KCNMB2: variants seen among roughly 807,000 people sequenced by gnomAD.
KCNMB2 encodes potassium calcium-activated channel subfamily M regulatory beta subunit 2.
A neutral mutation model predicts 24.5 loss-of-function variants in KCNMB2; 9 were observed. The observed-to-expected ratio is 0.37, with a 90% CI of 0.22 to 0.64. The LOEUF (loss-of-function observed/expected upper bound fraction) is 0.64, where lower values mean the gene tolerates loss of function less well. KCNMB2 is among the 30% of genes least tolerant of loss of function. The probability of loss-of-function intolerance (pLI) is 0.63; values close to 1 mark genes in which losing one functional copy is unlikely to be tolerated. For synonymous variants in KCNMB2, 109 were observed against 104.4 expected, an observed-to-expected ratio of 1.04 and a Z score of -0.27; for missense variants, 226 against 284.3, an observed-to-expected ratio of 0.79 and a Z score of 1.47.
intron 1 of KCNMB2, among the ~76,000 whole-genome samples, chr3:178,783,300 T>G (rs1350367256): frequency 1.3e-5 from 2 of 148,638 alleles, no homozygotes; most frequent in Non-Finnish European, 3.0e-5. Context: ...CATATGAACT[T>G]TAAAGTAGTT....
chr3:178,812,808 A>C (rs1714247414), intron 2 of KCNMB2, among the ~76,000 whole-genome samples: 1 of 152,098 alleles, frequency 6.6e-6, no homozygotes, highest in South Asian at 2.1e-4. Context: ...AGTTTTGTCC[A>C]CCTCAGACAA....
intron 4 of KCNMB2, among the ~76,000 whole-genome samples, chr3:178,839,776 A>T (rs1715361743): frequency 6.6e-6 from 1 of 152,172 alleles, no homozygotes; most frequent in Admixed American, 6.5e-5. Flanking sequence ...TCCATGATCC[A>T]GTCACCTCCC....
chr3:178,772,353 C>T (rs1174827252), intron 1 of KCNMB2, among the ~76,000 whole-genome samples: 4 of 152,008 alleles, frequency 2.6e-5, no homozygotes, highest in East Asian at 1.9e-4. Flanking sequence ...ATTGTAATTC[C>T]GATGTGTCAT....
At chr3:178,786,656 G>A (rs192211245) in intron 1 of KCNMB2, among the ~76,000 whole-genome samples, 57 of 152,156 alleles carry the variant, frequency 3.7e-4, no homozygotes, top group Middle Eastern at 3.4e-3. Context: ...GTTAATGGGT[G>A]CAGCACACCA....
At chr3:178,750,289 T>G (rs933620801) in intron 1 of KCNMB2, among the ~76,000 whole-genome samples, 5 of 151,790 alleles carry the variant, frequency 3.3e-5, no homozygotes, top group Non-Finnish European at 7.4e-5. Context: ...GGAAGTAAAG[T>G]TTTGACTTTG....
At chr3:178,650,098 T>C (rs1720056587) in intron 1 of KCNMB2, among the ~76,000 whole-genome samples, 1 of 152,170 alleles carries the variant, frequency 6.6e-6, no homozygotes. Flanking sequence ...ATTTCATTAT[T>C]TACCCAGTAG....
At chr3:178,612,210 A>T (rs1312143773) in intron 1 of KCNMB2, among the ~76,000 whole-genome samples, 1 of 152,198 alleles carries the variant, frequency 6.6e-6, no homozygotes, top group Non-Finnish European at 1.5e-5. Context: ...TCTGAGGAAA[A>T]GATTGTGAGT....
chr3:178,837,858 T>TA (rs1715289449), intron 4 of KCNMB2, among the ~76,000 whole-genome samples: 1 of 152,164 alleles, frequency 6.6e-6, no homozygotes, highest in African/African-American at 2.4e-5. Flanking sequence ...GCCATTTGTC[T>TA]GACAAATGTT....
chr3:178,617,148 T>G (rs1379699637), intron 1 of KCNMB2, among the ~76,000 whole-genome samples: 1 of 152,224 alleles, frequency 6.6e-6, no homozygotes, highest in Non-Finnish European at 1.5e-5. Context: ...TTCCTACCAC[T>G]CAGAATTAAT....
intron 1 of KCNMB2, among the ~76,000 whole-genome samples, chr3:178,737,411 C>T (rs933167807): frequency 3.3e-5 from 5 of 152,020 alleles, no homozygotes; most frequent in Non-Finnish European, 7.4e-5. Context: ...TTTAACAAAC[C>T]ACAGCCTAAG....
chr3:178,599,944 C>G (rs1718019880), intron 1 of KCNMB2, among the ~76,000 whole-genome samples: 1 of 152,192 alleles, frequency 6.6e-6, no homozygotes, highest in South Asian at 2.1e-4. Flanking sequence ...GTGGCATGAT[C>G]TTGGCTCACT....
At chr3:178,601,284 T>G (rs1203184512) in intron 1 of KCNMB2, among the ~76,000 whole-genome samples, 3 of 152,080 alleles carry the variant, frequency 2.0e-5, no homozygotes, top group Non-Finnish European at 4.4e-5. Flanking sequence ...CCATGGCACA[T>G]GTATACCTAT....
intron 1 of KCNMB2, among the ~76,000 whole-genome samples, chr3:178,676,903 G>A (rs958184425): frequency 1.3e-5 from 2 of 152,098 alleles, no homozygotes; most frequent in African/African-American, 4.8e-5. Context: ...TCACTAGAGT[G>A]TGGAAGGCCT....
chr3:178,647,323 A>G (rs992088313), intron 1 of KCNMB2, among the ~76,000 whole-genome samples: 28 of 152,340 alleles, frequency 1.8e-4, no homozygotes, highest in African/African-American at 5.5e-4. Context: ...GCTTTTTTCC[A>G]TATTTCTCTT....
At chr3:178,542,372 T>C (rs1449466357) in intron 1 of KCNMB2, among the ~76,000 whole-genome samples, 2 of 152,146 alleles carry the variant, frequency 1.3e-5, no homozygotes, top group African/African-American at 4.8e-5. Context: ...TTAGAGTAAC[T>C]GGATCAGAGG....
intron 1 of KCNMB2, among the ~76,000 whole-genome samples, chr3:178,663,730 T>A (rs1026463494): frequency 6.6e-6 from 1 of 152,198 alleles, no homozygotes; most frequent in Non-Finnish European, 1.5e-5. Context: ...TCATTTTGTA[T>A]AACACTTTAC....
intron 1 of KCNMB2, among the ~76,000 whole-genome samples, chr3:178,793,514 T>TGTG (rs1553778495): frequency 2.1e-5 from 3 of 145,730 alleles, no homozygotes; most frequent in Non-Finnish European, 4.6e-5. Flanking sequence ...CTCTTCACCC[T>TGTG]GGGGGGGTGG....
chr3:178,743,730 C>G (rs574737297), intron 1 of KCNMB2, among the ~76,000 whole-genome samples: 2 of 152,314 alleles, frequency 1.3e-5, no homozygotes, highest in African/African-American at 4.8e-5. Flanking sequence ...GAAATACAGC[C>G]TGAAAGGTTG....
At chr3:178,554,459 T>G (rs139995550) in intron 1 of KCNMB2, among the ~76,000 whole-genome samples, 80 of 152,348 alleles carry the variant, frequency 5.3e-4, no homozygotes, top group African/African-American at 1.8e-3. Flanking sequence ...AGAGAGTTCA[T>G]AAACATGTAT....
Sources: gnomAD v4.1 joint callset for allele counts (sites outside exome capture counted in the v4.1 genomes callset) on GRCh38, gnomAD v4.1.1 for gene constraint, MANE v1.5 for transcripts, NCBI Gene and HGNC (gene_info 2026-07-23, HGNC 2026-07-21) for gene names.